Variants in SSH2 observed in about 807,000 individuals in gnomAD.
The protein encoded by SSH2 is slingshot protein phosphatase 2, also known as protein phosphatase Slingshot homolog 2.
A neutral mutation model predicts 135.2 loss-of-function variants in SSH2; 37 were observed. The observed-to-expected ratio is 0.27, with a 90% CI of 0.21 to 0.36. SSH2 has a LOEUF of 0.36. SSH2 is among the 10% of genes least tolerant of loss of function. The pLI is 1.00. For missense variants in SSH2, 1,408 were observed against 1,765.3 expected (o/e 0.80, Z 3.63); for synonymous variants, 628 against 646.2 (o/e 0.97, Z 0.43).
chr17:29,856,265 A>G (rs1014414407), intron 1 of SSH2: 20 of 287,422 alleles, frequency 7.0e-5, no homozygotes, highest in African/African-American at 4.1e-4. Flanking sequence ...AAAAACAAAG[A>G]TAACAGAAAA....
chr17:29,906,856 C>CA (rs2066662211), intron 1 of SSH2, among the ~76,000 whole-genome samples: 1 of 152,008 alleles, frequency 6.6e-6, no homozygotes, highest in South Asian at 2.1e-4. Flanking sequence ...GTTAAAAAGT[C>CA]AAAAAACAGA....
intron 2 of SSH2, among the ~76,000 whole-genome samples, chr17:29,825,551 C>T (rs1422894950): frequency 3.3e-5 from 5 of 152,176 alleles, no homozygotes; most frequent in African/African-American, 7.2e-5. Context: ...GAGCTCACTG[C>T]TGTCTGTAGT....
chr17:29,761,045 C>A (rs1321991239), intron 3 of SSH2: 2 of 1,173,390 alleles, frequency 1.7e-6, no homozygotes, highest in Non-Finnish European at 1.1e-6. Context: ...GATGCGCGCT[C>A]GCCCTCGCTT....
chr17:29,737,525 T>C (rs551996208), intron 3 of SSH2, among the ~76,000 whole-genome samples: 2 of 152,186 alleles, frequency 1.3e-5, no homozygotes, highest in African/African-American at 2.4e-5. Flanking sequence ...AGTAGGGATA[T>C]GAAATTAACT....
At chr17:29,672,507 C>T (rs1056842022) in intron 8 of SSH2, among the ~76,000 whole-genome samples, 1 of 152,158 alleles carries the variant, frequency 6.6e-6, no homozygotes, top group African/African-American at 2.4e-5. Flanking sequence ...ATTTGTTTCC[C>T]TCAGCACAGG....
At chr17:29,802,839 T>C (rs1449422422) in intron 2 of SSH2, among the ~76,000 whole-genome samples, 4 of 152,066 alleles carry the variant, frequency 2.6e-5, no homozygotes, top group African/African-American at 7.2e-5. Flanking sequence ...AATTCCAAGA[T>C]AACAGTTCTA....
intron 4 of SSH2, among the ~76,000 whole-genome samples, chr17:29,700,099 C>T (rs1208675975): frequency 2.0e-5 from 3 of 152,204 alleles, no homozygotes; most frequent in Admixed American, 1.3e-4. Context: ...AAGCTATGCT[C>T]AACTACTGGC....
At chr17:29,910,430 AT>A (rs1212045180) in intron 1 of SSH2, among the ~76,000 whole-genome samples, 1 of 152,218 alleles carries the variant, frequency 6.6e-6, no homozygotes, top group African/African-American at 2.4e-5. Context: ...CATATGATTC[AT>A]TAATTTGAGC....
chr17:29,774,331 C>T (rs961691693), intron 3 of SSH2, among the ~76,000 whole-genome samples: 1 of 151,946 alleles, frequency 6.6e-6, no homozygotes, highest in Non-Finnish European at 1.5e-5. Flanking sequence ...ATGGCGGGAT[C>T]TTGGCTCACT....
chr17:29,872,347 G>T (rs1345479242), intron 1 of SSH2, among the ~76,000 whole-genome samples: 1 of 152,172 alleles, frequency 6.6e-6, no homozygotes, highest in Non-Finnish European at 1.5e-5. Flanking sequence ...ATTAAAAAGA[G>T]TGTATATCCC....
At chr17:29,750,452 A>C (rs940328265) in intron 3 of SSH2, among the ~76,000 whole-genome samples, 1 of 151,234 alleles carries the variant, frequency 6.6e-6, no homozygotes, top group Non-Finnish European at 1.5e-5. Flanking sequence ...AAAAAAAAAA[A>C]ATTTTTTTTT....
intron 6 of SSH2, among the ~76,000 whole-genome samples, chr17:29,680,122 G>A (rs2037907823): frequency 6.6e-6 from 1 of 152,154 alleles, no homozygotes; most frequent in African/African-American, 2.4e-5. Flanking sequence ...ATATCTGAAA[G>A]TGATTGGGGG....
At chr17:29,668,591 C>T (rs990730210) in intron 9 of SSH2, among the ~76,000 whole-genome samples, 6 of 151,908 alleles carry the variant, frequency 3.9e-5, no homozygotes, top group African/African-American at 1.2e-4. Context: ...AAAAATTAGC[C>T]AGGCATAGTG....
At chr17:29,677,163 A>G (rs2037755718) in intron 7 of SSH2, among the ~76,000 whole-genome samples, 1 of 150,034 alleles carries the variant, frequency 6.7e-6, no homozygotes, top group African/African-American at 2.5e-5. Flanking sequence ...ACTGTTCTGT[A>G]TATTTCTATT....
At chr17:29,738,954 A>C (rs1414790360) in intron 3 of SSH2, among the ~76,000 whole-genome samples, 1 of 152,256 alleles carries the variant, frequency 6.6e-6, no homozygotes, top group African/African-American at 2.4e-5. Context: ...TTGTGAAAAC[A>C]CTTTTAAAAC....
At chr17:29,734,218 G>C (rs1203196468) in intron 3 of SSH2, among the ~76,000 whole-genome samples, 1 of 152,092 alleles carries the variant, frequency 6.6e-6, no homozygotes, top group Non-Finnish European at 1.5e-5. Flanking sequence ...ACCGCATCTG[G>C]CCTAATTTCT....
intron 1 of SSH2, among the ~76,000 whole-genome samples, chr17:29,883,347 T>C (rs1447656813): frequency 6.6e-6 from 1 of 152,208 alleles, no homozygotes; most frequent in Non-Finnish European, 1.5e-5. Flanking sequence ...GTGCCCACTA[T>C]GTGCTTAACA....
intron 2 of SSH2, among the ~76,000 whole-genome samples, chr17:29,847,711 C>A (rs981072565): frequency 6.6e-6 from 1 of 152,112 alleles, no homozygotes; most frequent in African/African-American, 2.4e-5. Context: ...TGGGATAAAG[C>A]AAAGAAACTG....
At chr17:29,790,631 A>C (rs879812781) in intron 3 of SSH2, among the ~76,000 whole-genome samples, 4 of 152,106 alleles carry the variant, frequency 2.6e-5, no homozygotes, top group Non-Finnish European at 5.9e-5. Flanking sequence ...GATGCACAGA[A>C]GTTTGAAATT....
Sources: allele counts gnomAD v4.1 joint callset (sites outside exome capture counted in the v4.1 genomes callset), GRCh38; gene constraint gnomAD v4.1.1; transcripts MANE v1.5; gene names NCBI Gene and HGNC (gene_info 2026-07-23, HGNC 2026-07-21).